The following COL23A1 variants were observed in gnomAD, a reference collection of about 807,000 sequenced individuals.
COL23A1 encodes the protein collagen alpha-1(XXIII) chain.
In COL23A1, 97 loss-of-function variants were observed where a neutral mutation model predicts 99.3. The ratio of observed to expected loss-of-function variants is 0.98; its 90% CI spans 0.83 to 1.16. The LOEUF is 1.16. Ranked by LOEUF, COL23A1 falls within the 50% of genes most tolerant of loss-of-function variation. COL23A1 has a pLI of 0.00. For synonymous variants in COL23A1, 320 were observed against 308.2 expected, an observed-to-expected ratio of 1.04 and a Z score of -0.40; for missense variants, 762 against 757.4, an observed-to-expected ratio of 1.01 and a Z score of -0.07.
chr5:178,247,751 C>G (rs1764783071), intron 21 of COL23A1, 24 bp downstream of exon 21: 1 of 1,612,214 alleles, frequency 6.2e-7, no homozygotes, highest in African/African-American at 1.3e-5. Flanking sequence ...TGCTTCAAAC[C>G]AAACCAAAGC....
chr5:178,373,864 C>G (rs1762929077), intron 2 of COL23A1, among the ~76,000 whole-genome samples: 1 of 152,200 alleles, frequency 6.6e-6, no homozygotes, highest in Non-Finnish European at 1.5e-5. Flanking sequence ...TGTCACCAGG[C>G]ACCGTGTGGC....
At chr5:178,291,126 A>C (rs754575856) in intron 3 of COL23A1, among the ~76,000 whole-genome samples, 2 of 152,132 alleles carry the variant, frequency 1.3e-5, no homozygotes, top group Non-Finnish European at 2.9e-5. Context: ...TGCTGGATGG[A>C]AGGAGGTCTC....
rs11374428 is a variant in COL23A1 at position 178,570,112 on chromosome 5, C to CTT, written c.295-9366_295-9365dup. Among the ~76,000 whole-genome samples the CTT allele has an allele frequency of 2.1e-3, 295 of 142,100 alleles. 1 individual carries two copies. Among genetic ancestry groups the CTT allele is most frequent in the African/African-American group, 6.7e-3 (256 of 38,334 alleles). The allele number at this position is 142,100 out of a possible 152,430, so 93.2% of individuals were successfully genotyped here. A position where few individuals can be genotyped will look rare whatever the true frequency, so the allele number is the denominator to read the frequency against. On this transcript the variant is annotated intron_variant, in intron 1 of 28. Coordinates refer to ENST00000390654, the MANE Select transcript of COL23A1 (RefSeq NM_173465.4). ...TCACAGTTCATTTCTTTTTCTTTTT[C>CTT]TTTTTTTTTTTTTCCTTTGAAACAG...
intron 2 of COL23A1, among the ~76,000 whole-genome samples, chr5:178,525,875 A>C (rs1004058803): frequency 6.6e-6 from 1 of 152,290 alleles, no homozygotes. Context: ...GGCCAGAAGC[A>C]CTGGAGAAGA....
intron 2 of COL23A1, among the ~76,000 whole-genome samples, chr5:178,492,255 G>A (rs1023082425): frequency 2.6e-5 from 4 of 152,050 alleles, no homozygotes; most frequent in Admixed American, 6.6e-5. Context: ...TTTATATGCT[G>A]AAGTCTTAAT....
At chr5:178,251,756 C>T (rs189860776) in intron 17 of COL23A1, among the ~76,000 whole-genome samples, 4 of 152,250 alleles carry the variant, frequency 2.6e-5, no homozygotes, top group Admixed American at 1.3e-4. Flanking sequence ...TGGGGGACCA[C>T]ATAGCTGCTC....
At chr5:178,267,397 G>A (rs544908148) in intron 7 of COL23A1, 64 bp from the exon 8 acceptor site, 57 of 1,540,620 alleles carry the variant, frequency 3.7e-5, no homozygotes, top group South Asian at 2.3e-4. Context: ...ATTTCCCGTC[G>A]GGCATCTGTG....
intron 3 of COL23A1, among the ~76,000 whole-genome samples, chr5:178,301,969 C>CCGCTCTGTGTGT (rs1758068392): frequency 3.4e-5 from 1 of 28,990 alleles, no homozygotes; most frequent in African/African-American, 1.5e-4. Flanking sequence ...CCTCTGTGTG[C>CCGCTCTGTGTGT]GCCGGAGCAC....
chr5:178,402,554 GAATT>G (rs941787849), intron 2 of COL23A1, among the ~76,000 whole-genome samples: 4 of 152,070 alleles, frequency 2.6e-5, no homozygotes, highest in African/African-American at 9.7e-5. Context: ...AGCTAGAAAA[GAATT>G]ATTTAAATGT....
At chr5:178,564,645 A>G (rs1762756579) in intron 1 of COL23A1, among the ~76,000 whole-genome samples, 1 of 152,206 alleles carries the variant, frequency 6.6e-6, no homozygotes, top group Non-Finnish European at 1.5e-5. Flanking sequence ...ACTGGGAAGG[A>G]GAACTTGAAG....
intron 2 of COL23A1, among the ~76,000 whole-genome samples, chr5:178,328,408 G>A (rs1759818215): frequency 1.3e-5 from 2 of 152,180 alleles, no homozygotes; most frequent in Non-Finnish European, 2.9e-5. Context: ...AAAGTCCACG[G>A]CCACCTTCTT....
chr5:178,488,521 T>C (rs182884264), intron 2 of COL23A1, among the ~76,000 whole-genome samples: 1 of 152,302 alleles, frequency 6.6e-6, no homozygotes, highest in East Asian at 1.9e-4. Context: ...ACGCCAATTA[T>C]ATTCAATGTT....
chr5:178,260,964 C>T (rs1352134913), intron 11 of COL23A1, among the ~76,000 whole-genome samples: 1 of 151,718 alleles, frequency 6.6e-6, no homozygotes. Flanking sequence ...CAAGAGTGAA[C>T]CCTAATGTAA....
Position 178,544,839 on chromosome 5 carries a change from T to C in COL23A1, c.361+15843A>G, listed in dbSNP as rs1280729556. ...ACTTTGGGAGGCCAAAGCGGGTGGA[T>C]TGGTGGAGCCCAGGAGTTTGAGACC... On this transcript the variant is annotated intron_variant, in intron 2 of 28. Transcript: ENST00000390654. This position sits in a 1 kb window ranked among gnomAD's most constrained non-coding sequence, Gnocchi z 4.4. Among the ~76,000 whole-genome samples the C allele has an allele frequency of 6.6e-6, 1 of 152,050 alleles. No homozygotes were observed. Among genetic ancestry groups the C allele is most frequent in the African/African-American group, 2.4e-5 (1 of 41,388 alleles).
intron 2 of COL23A1, among the ~76,000 whole-genome samples, chr5:178,332,832 G>T (rs754277993): frequency 9.2e-5 from 14 of 151,878 alleles, no homozygotes; most frequent in Non-Finnish European, 1.5e-4. Flanking sequence ...CTATCTAGAG[G>T]GAGTGGCTCC....
At chr5:178,337,074 C>T (rs562527156) in intron 2 of COL23A1, among the ~76,000 whole-genome samples, 7 of 152,342 alleles carry the variant, frequency 4.6e-5, no homozygotes, top group East Asian at 1.9e-4. Context: ...TATTGGAATT[C>T]GATTTCCCAT....
At chr5:178,268,825 C>A in intron 6 of COL23A1, 69 bp from the exon 7 acceptor site, 1 of 1,527,660 alleles carries the variant, frequency 6.5e-7, no homozygotes, top group Non-Finnish European at 8.9e-7. Context: ...TTCTGGCTTC[C>A]CTATACCTCT....
Position 178,313,772 on chromosome 5 carries a change from C to T in COL23A1, c.362-6853G>A, listed in dbSNP as rs1337652619. Among the ~76,000 whole-genome samples the T allele has an allele frequency of 6.6e-6, 1 of 152,124 alleles. No homozygotes were observed. The highest frequency in any genetic ancestry group is 1.5e-5 in the Non-Finnish European group (1 of 68,018). On this transcript the variant is annotated intron_variant, in intron 2 of 28. Coordinates refer to ENST00000390654, the MANE Select transcript of COL23A1 (RefSeq NM_173465.4). The surrounding 1 kb of genome is among the most constrained non-coding windows in gnomAD (Gnocchi z 4.2). ...GGAAGTGGGGTGAGATGGCCTGAATCCTCCCAGACCTTCAGTCTGGAGCTC... is the reference window on the plus strand; with the variant it reads ...GGAAGTGGGGTGAGATGGCCTGAATTCTCCCAGACCTTCAGTCTGGAGCTC...
rs376961831 is a variant in COL23A1, at chr5:178,341,655, GCCTGCCCA to G, written c.362-34744_362-34737del. Among the ~76,000 whole-genome samples, 638 of 152,280 alleles carry G rather than the reference GCCTGCCCA, an allele frequency of 4.2e-3. 5 individuals carry two copies. Among genetic ancestry groups the G allele is most frequent in the African/African-American group, 0.015 (610 of 41,564 alleles). ...GAGCCAGCACAGGGTCTCAGGTGTG[GCCTGCCCA>G]CCTGCCCACAGGTTGCCCCCGATCT... On this transcript the variant is annotated intron_variant, in intron 2 of 28. Transcript: ENST00000390654.
Sources: allele counts gnomAD v4.1 joint callset (sites outside exome capture counted in the v4.1 genomes callset), GRCh38; gene constraint gnomAD v4.1.1; non-coding constraint Gnocchi (gnomAD v3.1); transcripts MANE v1.5; gene names NCBI Gene and HGNC (gene_info 2026-07-23, HGNC 2026-07-21).